The following ZC3H3 variants were observed in gnomAD, a reference collection of about 807,000 sequenced individuals.
The protein encoded by ZC3H3 is zinc finger CCCH domain-containing protein 3.
A neutral mutation model predicts 77.3 loss-of-function variants in ZC3H3; 36 were observed. The ratio of observed to expected loss-of-function variants is 0.47; its 90% CI spans 0.36 to 0.61. The LOEUF (loss-of-function observed/expected upper bound fraction) is 0.61. ZC3H3 is among the 20% of genes least tolerant of loss of function. The pLI is 0.00. For synonymous variants in ZC3H3, 626 were observed against 555.2 expected (o/e 1.13, Z -1.79); for missense variants, 1,331 against 1,312.2 (o/e 1.01, Z -0.22).
At chr8:143,478,261 G>A (rs558393254) in intron 4 of ZC3H3, among the ~76,000 whole-genome samples, 1 of 152,356 alleles carries the variant, frequency 6.6e-6, no homozygotes, top group East Asian at 1.9e-4. Context: ...CCCACTCACT[G>A]TGTGGCTCTC....
intron 4 of ZC3H3, among the ~76,000 whole-genome samples, chr8:143,481,188 C>T (rs775642077): frequency 3.3e-5 from 5 of 152,162 alleles, no homozygotes; most frequent in Admixed American, 2.0e-4. Flanking sequence ...TGGGCCTCTC[C>T]GGAGCACCTC....
Position 143,533,173 on chromosome 8 carries a change from T to C in ZC3H3, c.1561+3084A>G, listed in dbSNP as rs949213789. ...TTCCCTCCTGTGGCCTACAAGACCCTTTCCCAGGACCTGGTCCCTCTGCCC... is the reference window on the plus strand; with the variant it reads ...TTCCCTCCTGTGGCCTACAAGACCCCTTCCCAGGACCTGGTCCCTCTGCCC... On this transcript the variant is annotated intron_variant, in intron 3 of 11. Coordinates refer to ENST00000262577, the MANE Select transcript of ZC3H3 (RefSeq NM_015117.3). The surrounding 1 kb of genome is among the most constrained non-coding windows in gnomAD (Gnocchi z 4.0). Among the ~76,000 whole-genome samples the C allele has an allele frequency of 2.1e-4, 32 of 152,042 alleles. No homozygotes were observed. Among genetic ancestry groups the C allele is most frequent in the Admixed American group, 1.6e-3 (25 of 15,268 alleles).
chr8:143,465,101 T>A (rs987787665), intron 9 of ZC3H3, among the ~76,000 whole-genome samples: 2 of 151,428 alleles, frequency 1.3e-5, no homozygotes, highest in African/African-American at 4.9e-5. Context: ...AACACAGGAG[T>A]CAGTCATGCC....
At chr8:143,502,068 C>T (rs904923508) in intron 4 of ZC3H3, among the ~76,000 whole-genome samples, 6 of 152,242 alleles carry the variant, frequency 3.9e-5, no homozygotes, top group Non-Finnish European at 7.3e-5. Context: ...CTCTCCCTGC[C>T]TCTCCCTGGG....
At chr8:143,540,813 A>C (rs1397364798) in intron 1 of ZC3H3, among the ~76,000 whole-genome samples, 1 of 152,158 alleles carries the variant, frequency 6.6e-6, no homozygotes, top group East Asian at 1.9e-4. Flanking sequence ...AAAATTAGCC[A>C]GGCGTTCTGG....
chr8:143,505,353 G>C (rs1039984473), intron 4 of ZC3H3, among the ~76,000 whole-genome samples: 1 of 152,218 alleles, frequency 6.6e-6, no homozygotes. Context: ...CGGAGATGGC[G>C]CATGGGCCAG....
chr8:143,474,518 T>C (rs558159842), intron 5 of ZC3H3, among the ~76,000 whole-genome samples: 1 of 152,304 alleles, frequency 6.6e-6, no homozygotes, highest in Admixed American at 6.5e-5. Context: ...AGATGGATGC[T>C]AGGAACACAG....
chr8:143,522,215 T>C (rs1011287040), intron 3 of ZC3H3, among the ~76,000 whole-genome samples: 1 of 152,152 alleles, frequency 6.6e-6, no homozygotes, highest in East Asian at 1.9e-4. Flanking sequence ...CACAGGCCTT[T>C]ACATGGGCCA....
At position 143,438,161 on chromosome 8, in the gene ZC3H3, C is replaced by T. The variant is rs184233972; in HGVS notation, c.2816-74G>A. ...CTCCCCAGCCTGCAAAGCTCCTGATCGGGCTCAGGATCGGGGGGCTCTGTC... is the reference window on the plus strand; with the variant it reads ...CTCCCCAGCCTGCAAAGCTCCTGATTGGGCTCAGGATCGGGGGGCTCTGTC... On this transcript the variant is annotated intron_variant, in intron 11 of 11. Transcript: ENST00000262577. 4.0e-5 allele frequency: 62 copies of T among 1,554,914 alleles called. No individual in the cohort carries two copies. In the East Asian group the frequency reaches 1.1e-3, roughly 28 times the overall value.
intron 3 of ZC3H3, among the ~76,000 whole-genome samples, chr8:143,519,562 A>G (rs1473476309): frequency 6.6e-6 from 1 of 152,156 alleles, no homozygotes; most frequent in Admixed American, 6.5e-5. Flanking sequence ...GCAAGCCCCA[A>G]GCGGCAGGCA....
At chr8:143,456,749 T>A (rs753762514) in intron 9 of ZC3H3, among the ~76,000 whole-genome samples, 10 of 152,128 alleles carry the variant, frequency 6.6e-5, no homozygotes, top group Admixed American at 4.6e-4. Flanking sequence ...ATGCCTGTAG[T>A]CCTAGCTACT....
rs779460611 is a variant in ZC3H3, at chr8:143,468,428, G to A, written c.2059C>T (p.Arg687Cys). The change falls in exon 7 of 12, where the codon CGC (arginine) becomes TGC (cysteine). Residue 687 changes from arginine to cysteine, a missense_variant. By Grantham distance (180) the Arg-to-Cys change is radical. Around this residue, in one of 3 missense-constraint regions of ZC3H3, gnomAD observed 104 missense variants for 159.7 expected, o/e 0.65. Transcript: ENST00000262577. ...NRFGRCNRGE[R>C]CPYIHDPEKV... ...TCGGGATCGTGGATGTAGGGGCAGC[G>A]CTCGCCACGGTTGCACCTGCCGAAG... 6 of 1,611,302 alleles carry A rather than the reference G, an allele frequency of 3.7e-6. No homozygotes were observed. In the South Asian group the frequency reaches 4.4e-5, roughly 12 times the overall value.
At chr8:143,532,285 G>A (rs1291363091) in intron 3 of ZC3H3, among the ~76,000 whole-genome samples, 4 of 152,268 alleles carry the variant, frequency 2.6e-5, no homozygotes. Flanking sequence ...CCCTCTGCTG[G>A]CCACTGGGCC....
chr8:143,475,881 A>G (rs1030949085), intron 4 of ZC3H3, among the ~76,000 whole-genome samples: 1 of 152,094 alleles, frequency 6.6e-6, no homozygotes, highest in African/African-American at 2.4e-5. Flanking sequence ...CTGGGAACTC[A>G]TGCGCCCCTA....
rs1233073587 is a variant in ZC3H3, at chr8:143,493,971, G to A, written c.1715+13775C>T. Among the ~76,000 whole-genome samples the A allele has an allele frequency of 2.6e-5, 4 of 152,210 alleles. No homozygotes were observed. Among genetic ancestry groups the A allele is most frequent in the Admixed American group, 6.5e-5 (1 of 15,288 alleles). ...ATAAAAATGAGCACAGGCACAGGGA[G>A]GCCATCACATTAACTTTTACAGCAC... On this transcript the variant is annotated intron_variant, in intron 4 of 11. Transcript: ENST00000262577. The surrounding 1 kb of genome is among the most constrained non-coding windows in gnomAD (Gnocchi z 4.8).
intron 4 of ZC3H3, among the ~76,000 whole-genome samples, chr8:143,503,059 G>A (rs761032705): frequency 3.7e-4 from 57 of 152,180 alleles, no homozygotes; most frequent in Non-Finnish European, 7.1e-4. Flanking sequence ...CGGGCACCAC[G>A]CTCAGCAGAA....
At chr8:143,475,324 G>T in intron 5 of ZC3H3, 74 bp downstream of exon 5, 1 of 1,502,010 alleles carries the variant, frequency 6.7e-7, no homozygotes, top group South Asian at 1.3e-5. Context: ...GAGGTTAGGG[G>T]GTCTGGCCTG....
intron 4 of ZC3H3, among the ~76,000 whole-genome samples, chr8:143,505,381 C>A (rs1255350960): frequency 6.6e-6 from 1 of 152,248 alleles, no homozygotes; most frequent in Non-Finnish European, 1.5e-5. Flanking sequence ...CAGCCGCTGG[C>A]CCAGACGCCC....
At chr8:143,537,814 T>C (rs1354705106) in intron 2 of ZC3H3, among the ~76,000 whole-genome samples, 189 bp downstream of exon 2, 2 of 151,844 alleles carry the variant, frequency 1.3e-5, no homozygotes, top group Non-Finnish European at 2.9e-5. Flanking sequence ...GTCCCCTAAG[T>C]TTATGCCGGC....
Sources: gnomAD v4.1 joint callset for allele counts (sites outside exome capture counted in the v4.1 genomes callset) on GRCh38, gnomAD v4.1.1 for gene constraint, gnomAD v4.1.1 regional missense constraint, Gnocchi (gnomAD v3.1) non-coding constraint, MANE v1.5 for transcripts, NCBI Gene and HGNC (gene_info 2026-07-23, HGNC 2026-07-21) for gene names.